Variants in CBFA2T3 observed in about 807,000 individuals in gnomAD.
The protein encoded by CBFA2T3 is CBFA2/RUNX1 partner transcriptional co-repressor 3.
In CBFA2T3, 31 loss-of-function variants were observed where a neutral mutation model predicts 58.6. That is an observed-to-expected ratio of 0.53 (90% CI 0.40 to 0.71). The LOEUF is 0.71. Ranked by LOEUF, CBFA2T3 falls within the 30% of genes least tolerant of loss-of-function variation. The probability of loss-of-function intolerance (pLI) is 0.00; values close to 1 mark genes in which losing one functional copy is unlikely to be tolerated. For synonymous variants in CBFA2T3, 531 were observed against 421.9 expected (o/e 1.26, Z -3.17); for missense variants, 1,076 against 963.1 (o/e 1.12, Z -1.55).
chr16:88,882,549 T>C (rs1969153234), intron 8 of CBFA2T3, 127 bp downstream of exon 8: 3 of 658,748 alleles, frequency 4.6e-6, no homozygotes, highest in Non-Finnish European at 8.1e-6. Context: ...TGTGCATGGG[T>C]GTGGCTGTGT....
chr16:88,901,744 C>A, intron 1 of CBFA2T3, 88 bp from the exon 2 acceptor site: 2 of 1,226,252 alleles, frequency 1.6e-6, no homozygotes, highest in Non-Finnish European at 2.2e-6. Flanking sequence ...AGCGAAGGCC[C>A]CACTGAGTGT....
chr16:88,892,714 C>T (rs1969693716), intron 3 of CBFA2T3, among the ~76,000 whole-genome samples: 1 of 152,222 alleles, frequency 6.6e-6, no homozygotes, highest in African/African-American at 2.4e-5. Flanking sequence ...CGGCCCTGCT[C>T]TGAGAGGTCA....
intron 1 of CBFA2T3, among the ~76,000 whole-genome samples, chr16:88,934,839 A>G (rs1475155957): frequency 1.3e-5 from 2 of 152,116 alleles, no homozygotes; most frequent in African/African-American, 4.8e-5. Context: ...TCCCGGGTTC[A>G]CGCTATTCTC....
chr16:88,896,277 C>T (rs1359152341), intron 3 of CBFA2T3, among the ~76,000 whole-genome samples: 3 of 152,308 alleles, frequency 2.0e-5, no homozygotes, highest in African/African-American at 4.8e-5. Flanking sequence ...AACCTCCACA[C>T]GCTGTTCTGA....
chr16:88,970,436 C>G (rs1261489577), intron 1 of CBFA2T3, among the ~76,000 whole-genome samples: 1 of 152,208 alleles, frequency 6.6e-6, no homozygotes, highest in Non-Finnish European at 1.5e-5. Context: ...CTGGGAGGGT[C>G]CCTGGCAGAG....
At chr16:88,900,203 A>G (rs1023171242) in intron 2 of CBFA2T3, among the ~76,000 whole-genome samples, 1 of 152,184 alleles carries the variant, frequency 6.6e-6, no homozygotes, top group African/African-American at 2.4e-5. Flanking sequence ...TTTGGCTCCT[A>G]CTGAGTGCCG....
At chr16:88,886,263 T>C (rs1414858451) in intron 5 of CBFA2T3, 121 bp from the exon 6 acceptor site, 16 of 585,954 alleles carry the variant, frequency 2.7e-5, no homozygotes, top group Non-Finnish European at 4.3e-5. Flanking sequence ...GCCTCAAAGG[T>C]CAAGGTGCTC....
intron 1 of CBFA2T3, among the ~76,000 whole-genome samples, chr16:88,922,514 C>T (rs1970954257): frequency 6.6e-6 from 1 of 152,224 alleles, no homozygotes. Flanking sequence ...GAGGCAGGAC[C>T]TGAGTCCCAG....
At chr16:88,905,714 GGGGCGGGGCT>G (rs1970294946) in intron 1 of CBFA2T3, among the ~76,000 whole-genome samples, 2 of 139,432 alleles carry the variant, frequency 1.4e-5, no homozygotes, top group African/African-American at 5.7e-5. Context: ...CGGGGCTGGA[GGGGCGGGGCT>G]GAAGGAGGGG....
At chr16:88,930,522 G>A (rs1038371029) in intron 1 of CBFA2T3, among the ~76,000 whole-genome samples, 1 of 151,788 alleles carries the variant, frequency 6.6e-6, no homozygotes, top group South Asian at 2.1e-4. Context: ...AGGGAAGGAG[G>A]CTCCCCACTA....
chr16:88,897,550 G>C (rs554302558), intron 3 of CBFA2T3, among the ~76,000 whole-genome samples: 1 of 152,374 alleles, frequency 6.6e-6, no homozygotes, highest in South Asian at 2.1e-4. Flanking sequence ...CTCTCAGCAT[G>C]TGCCCGGCCC....
At chr16:88,887,834 C>G (rs1316269788) in intron 5 of CBFA2T3, among the ~76,000 whole-genome samples, 1 of 152,148 alleles carries the variant, frequency 6.6e-6, no homozygotes, top group African/African-American at 2.4e-5. Flanking sequence ...TGAAGCTGCC[C>G]TCTGCACAGA....
chr16:88,892,514 C>G (rs779449959), intron 3 of CBFA2T3, 29 bp from the exon 4 acceptor site: 1 of 1,608,590 alleles, frequency 6.2e-7, no homozygotes, highest in South Asian at 1.1e-5. Flanking sequence ...CATGAGGACA[C>G]AAAGGTGATG....
At chr16:88,964,164 G>A (rs948439924) in intron 1 of CBFA2T3, among the ~76,000 whole-genome samples, 2 of 152,200 alleles carry the variant, frequency 1.3e-5, no homozygotes, top group East Asian at 1.9e-4. Context: ...CTGCAAACAC[G>A]GCTTGGGGTC....
rs1418117675 is a variant in CBFA2T3 at position 88,943,533 on chromosome 16, G to GA, written c.151+33123dup. The stretch of plus-strand genomic sequence containing the variant: ...AGAGCTGTGGTGGCGTGGTAGAGAA[G>GA]AAAGGGATATCGCAGGCAGGAGGGC... On this transcript the variant is annotated intron_variant, in intron 1 of 11. Coordinates refer to ENST00000268679, the MANE Select transcript of CBFA2T3 (RefSeq NM_005187.6). Among the ~76,000 whole-genome samples the GA allele has an allele frequency of 2.0e-5, 3 of 152,332 alleles. No individual in the cohort carries two copies. The East Asian group carries it at 5.8e-4, about 29-fold the overall frequency.
At chr16:88,938,782 G>A (rs1172101785) in intron 1 of CBFA2T3, 1 of 152,250 alleles carries the variant, frequency 6.6e-6, no homozygotes, top group African/African-American at 2.4e-5. Flanking sequence ...GAAATTCAGA[G>A]CCACTTAATT....
intron 5 of CBFA2T3, among the ~76,000 whole-genome samples, chr16:88,890,638 C>T (rs187183305): frequency 5.7e-4 from 87 of 152,372 alleles, no homozygotes; most frequent in East Asian, 2.1e-3. Flanking sequence ...TCTGACTCCA[C>T]GGCACTCCCG....
intron 2 of CBFA2T3, 100 bp downstream of exon 2, chr16:88,901,404 A>C (rs897961341): frequency 1.7e-6 from 1 of 594,618 alleles, no homozygotes; most frequent in Non-Finnish European, 2.8e-6. Flanking sequence ...GGCTCACAGA[A>C]GGTGCCCGCT....
intron 1 of CBFA2T3, among the ~76,000 whole-genome samples, chr16:88,962,770 G>C (rs1972400164): frequency 6.6e-6 from 1 of 152,150 alleles, no homozygotes. Flanking sequence ...GGGAAAACAG[G>C]GGGAGCAAAG....
Sources: allele counts gnomAD v4.1 joint callset (sites outside exome capture counted in the v4.1 genomes callset), GRCh38; gene constraint gnomAD v4.1.1; transcripts MANE v1.5; gene names NCBI Gene and HGNC (gene_info 2026-07-23, HGNC 2026-07-21).